IDO2: variants seen among roughly 807,000 people sequenced by gnomAD.
IDO2 encodes the protein indoleamine 2,3-dioxygenase-like 1 protein.
IDO2 carries 46 observed loss-of-function variants against 45.1 expected under a neutral mutation model. That is an observed-to-expected ratio of 1.02 (90% confidence interval 0.80 to 1.30). The LOEUF (loss-of-function observed/expected upper bound fraction) is 1.30, where lower values mean the gene tolerates loss of function less well. Among genes scored for constraint, IDO2 ranks in the 50% most tolerant of loss-of-function variants. The pLI is 0.00. For missense variants in IDO2, 544 were observed against 491.8 expected, an observed-to-expected ratio of 1.11 and a Z score of -1.00; for synonymous variants, 218 against 184.9, an observed-to-expected ratio of 1.18 and a Z score of -1.45.
At chr8:39,935,958 A>G (rs1327015943) in intron 1 of IDO2, among the ~76,000 whole-genome samples, 3 of 152,218 alleles carry the variant, frequency 2.0e-5, no homozygotes, top group South Asian at 4.1e-4. Flanking sequence ...GCAATAATGA[A>G]CATACTTCAT....
chr8:40,015,622 C>A (rs956227202), exon 11 of IDO2: 12 of 1,558,516 alleles, frequency 7.7e-6, no homozygotes, highest in Admixed American at 5.1e-5. Context: ...CTCTCCCCAG[C>A]AATGCAGAGC....
intron 3 of IDO2, among the ~76,000 whole-genome samples, chr8:39,970,457 T>G (rs964570121): frequency 6.6e-6 from 1 of 152,244 alleles, no homozygotes; most frequent in Non-Finnish European, 1.5e-5. Context: ...GGTGGCATGA[T>G]GTTGGCTCAC....
At chr8:40,004,997 C>T (rs906462655) in intron 8 of IDO2, among the ~76,000 whole-genome samples, 1 of 152,120 alleles carries the variant, frequency 6.6e-6, no homozygotes, top group Non-Finnish European at 1.5e-5. Flanking sequence ...CTTCTTTTCC[C>T]TTCCTTCATT....
At chr8:39,938,993 C>T (rs531963713) in intron 1 of IDO2, among the ~76,000 whole-genome samples, 15 of 152,302 alleles carry the variant, frequency 9.8e-5, no homozygotes, top group African/African-American at 2.2e-4. Flanking sequence ...GTGGCTCATG[C>T]CTGTAATCCC....
chr8:39,959,956 G>A (rs576588252), intron 2 of IDO2, among the ~76,000 whole-genome samples: 1 of 152,132 alleles, frequency 6.6e-6, no homozygotes, highest in South Asian at 2.1e-4. Context: ...TTTAGACTGA[G>A]CGATAGAGTG....
intron 3 of IDO2, among the ~76,000 whole-genome samples, chr8:39,970,375 T>G (rs1448346209): frequency 6.6e-6 from 1 of 152,158 alleles, no homozygotes; most frequent in Non-Finnish European, 1.5e-5. Flanking sequence ...CTACATTTAT[T>G]TTTTATTTTT....
chr8:39,990,444 T>C (rs956341167), intron 8 of IDO2, among the ~76,000 whole-genome samples: 2 of 152,174 alleles, frequency 1.3e-5, no homozygotes, highest in Non-Finnish European at 2.9e-5. Flanking sequence ...CTCCCGTGTA[T>C]AAATGCCTGA....
In IDO2 at chr8:39,963,588, T is replaced by G; in HGVS notation, c.100-20T>G. On this transcript the variant is annotated intron_variant, in intron 2 of 10. Transcript: ENST00000502986. ...TCCAGAGAGGTCTAAAATATTTACATGTTTCTATTTTAAATGCAGAAAGAA... is the reference window on the plus strand; with the variant it reads ...TCCAGAGAGGTCTAAAATATTTACAGGTTTCTATTTTAAATGCAGAAAGAA... 27 of 1,486,248 alleles carry G rather than the reference T, an allele frequency of 1.8e-5. No homozygotes were observed. The highest frequency in any genetic ancestry group is 2.5e-5 in the Non-Finnish European group (27 of 1,073,142). 92.1% of individuals were successfully genotyped at this position (1,486,248 alleles called of 1,614,324 possible).
intron 1 of IDO2, among the ~76,000 whole-genome samples, chr8:39,935,936 A>C (rs1807540450): frequency 1.3e-5 from 2 of 152,224 alleles, no homozygotes; most frequent in Non-Finnish European, 2.9e-5. Flanking sequence ...GTCATAACTG[A>C]AAATCAAAAG....
intron 9 of IDO2, among the ~76,000 whole-genome samples, chr8:40,007,534 A>G (rs1802241579): frequency 6.6e-6 from 1 of 152,116 alleles, no homozygotes; most frequent in Non-Finnish European, 1.5e-5. Context: ...TTCTCTGTAT[A>G]CCTTTGATAG....
intron 1 of IDO2, among the ~76,000 whole-genome samples, chr8:39,938,019 T>C (rs747661342): frequency 1.3e-5 from 2 of 152,284 alleles, no homozygotes; most frequent in African/African-American, 2.4e-5. Context: ...GTCCTTTTAT[T>C]GTTTTCCTAC....
chr8:39,981,900 G>A (rs867376343), intron 4 of IDO2, among the ~76,000 whole-genome samples: 2 of 152,154 alleles, frequency 1.3e-5, no homozygotes, highest in East Asian at 1.9e-4. Flanking sequence ...ATAAAGAGCC[G>A]TGGAGGGTTC....
chr8:39,944,309 C>T (rs1047364906), intron 1 of IDO2, among the ~76,000 whole-genome samples: 2 of 152,202 alleles, frequency 1.3e-5, no homozygotes, highest in African/African-American at 4.8e-5. Context: ...CTACACCCAG[C>T]CCAGGACTTT....
intron 3 of IDO2, among the ~76,000 whole-genome samples, chr8:39,964,061 A>G (rs1808043501): frequency 6.6e-6 from 1 of 152,186 alleles, no homozygotes; most frequent in African/African-American, 2.4e-5. Context: ...TACGTACTCA[A>G]GGCTCTGTTG....
chr8:39,995,819 AGT>A (rs1172041040), intron 8 of IDO2, among the ~76,000 whole-genome samples: 2 of 151,820 alleles, frequency 1.3e-5, no homozygotes, highest in Non-Finnish European at 2.9e-5. Flanking sequence ...TGACCAGAAG[AGT>A]GTGAGCCTTC....
intron 6 of IDO2, chr8:39,987,198 C>A (rs1475883241): frequency 6.6e-6 from 1 of 152,212 alleles, no homozygotes; most frequent in Non-Finnish European, 1.5e-5. Context: ...TCCCCCACCT[C>A]CTGCCGCCAT....
intron 1 of IDO2, among the ~76,000 whole-genome samples, chr8:39,938,290 C>CTATCTA (rs10677987): frequency 0.81 from 122,578 of 151,802 alleles, 49,932 homozygotes; most frequent in African/African-American, 0.9. Flanking sequence ...AAAAAATTCT[C>CTATCTA]TATCTATATC....
intron 2 of IDO2, among the ~76,000 whole-genome samples, chr8:39,955,486 C>T (rs925595235): frequency 6.6e-6 from 1 of 151,892 alleles, no homozygotes; most frequent in African/African-American, 2.4e-5. Flanking sequence ...GAACTTCTGA[C>T]CTCAGGTGAT....
intron 2 of IDO2, among the ~76,000 whole-genome samples, chr8:39,955,171 A>G (rs965891630): frequency 6.7e-6 from 1 of 149,754 alleles, no homozygotes; most frequent in Non-Finnish European, 1.5e-5. Flanking sequence ...CCAGGAAAAA[A>G]TATTCTGGCA....
Sources: gnomAD v4.1 joint callset for allele counts (sites outside exome capture counted in the v4.1 genomes callset) on GRCh38, gnomAD v4.1.1 for gene constraint, MANE v1.5 for transcripts, NCBI Gene and HGNC (gene_info 2026-07-23, HGNC 2026-07-21) for gene names.